The following PCSK5 variants were observed in gnomAD, a reference collection of about 807,000 sequenced individuals.
The protein encoded by PCSK5 is proprotein convertase subtilisin/kexin type 5.
PCSK5 carries 129 observed loss-of-function variants against 233.2 expected under a neutral mutation model. The observed-to-expected ratio is 0.55, with a 90% CI of 0.48 to 0.64. The LOEUF is 0.64. Among genes scored for constraint, PCSK5 ranks in the 30% least tolerant of loss-of-function variants. The probability of loss-of-function intolerance (pLI) is 0.00; values close to 1 mark genes in which losing one functional copy is unlikely to be tolerated. For missense variants in PCSK5, 2,076 were observed against 2,430.1 expected (o/e 0.85, Z 3.06); for synonymous variants, 825 against 879.2 (o/e 0.94, Z 1.09).
intron 5 of PCSK5, among the ~76,000 whole-genome samples, chr9:76,066,891 G>A (rs907509082): frequency 2.0e-5 from 3 of 152,120 alleles, no homozygotes; most frequent in African/African-American, 4.8e-5. Context: ...TGCTACTCTC[G>A]ATGTACCTTT....
intron 20 of PCSK5, among the ~76,000 whole-genome samples, chr9:76,197,578 C>T (rs1587747982): frequency 6.6e-6 from 1 of 152,192 alleles, no homozygotes; most frequent in African/African-American, 2.4e-5. Context: ...AATAGACATT[C>T]ATTCTTAACA....
intron 2 of PCSK5, among the ~76,000 whole-genome samples, chr9:75,966,244 C>A (rs1287238277): frequency 6.6e-6 from 1 of 152,206 alleles, no homozygotes; most frequent in Non-Finnish European, 1.5e-5. Flanking sequence ...GGAACAATCT[C>A]TTCAGAAGTC....
chr9:76,042,088 T>C (rs763394587), intron 5 of PCSK5, among the ~76,000 whole-genome samples: 1 of 152,206 alleles, frequency 6.6e-6, no homozygotes, highest in African/African-American at 2.4e-5. Flanking sequence ...TAATTCTAAT[T>C]TAACCTAGTT....
chr9:75,902,014 G>A (rs1184530777), intron 1 of PCSK5, among the ~76,000 whole-genome samples: 1 of 151,860 alleles, frequency 6.6e-6, no homozygotes, highest in African/African-American at 2.4e-5. Context: ...TCAGGAGTTC[G>A]AGACCAGCCT....
chr9:76,256,329 G>A (rs992809577), intron 24 of PCSK5, among the ~76,000 whole-genome samples: 2 of 152,214 alleles, frequency 1.3e-5, no homozygotes, highest in Non-Finnish European at 2.9e-5. Flanking sequence ...CTGCTAAGTC[G>A]AGCTGTGAGC....
chr9:76,353,399 G>C (rs564569156), intron 36 of PCSK5, among the ~76,000 whole-genome samples: 31 of 152,298 alleles, frequency 2.0e-4, no homozygotes, highest in African/African-American at 7.0e-4. Context: ...CAATAATCCA[G>C]TAACCACAGA....
chr9:76,094,034 C>A (rs1831407061), intron 7 of PCSK5, among the ~76,000 whole-genome samples: 1 of 152,188 alleles, frequency 6.6e-6, no homozygotes, highest in South Asian at 2.1e-4. Flanking sequence ...CCGAGCCCAG[C>A]TGTCGAGCAG....
At chr9:76,007,761 G>A (rs1351842407) in intron 3 of PCSK5, among the ~76,000 whole-genome samples, 1 of 148,984 alleles carries the variant, frequency 6.7e-6, no homozygotes, top group Admixed American at 6.7e-5. Context: ...TGAGTAGCTG[G>A]GACCACAGGC....
In PCSK5 at chr9:76,298,027, A is replaced by AT. The variant is rs575538920; in HGVS notation, c.3523+1162_3523+1163insT. On this transcript the variant is annotated intron_variant, in intron 27 of 37. Coordinates refer to ENST00000674117, the MANE Select transcript of PCSK5 (RefSeq NM_001372043.1). The stretch of plus-strand genomic sequence containing the variant: ...GCTATCTTCTGTGAGTTATAGCTGA[A>AT]GCAAAATGCTGAAAATGAGTTTGTT... 5.3e-4 allele frequency among the ~76,000 whole-genome samples: 81 copies of AT among 152,348 alleles called. 1 individual carries two copies. The South Asian group carries it at 0.017, about 31-fold the overall frequency.
chr9:76,053,354 T>G (rs1829703003), intron 5 of PCSK5, among the ~76,000 whole-genome samples: 1 of 152,172 alleles, frequency 6.6e-6, no homozygotes, highest in African/African-American at 2.4e-5. Flanking sequence ...CCTCTGAAAT[T>G]TAGGCGGAGG....
chr9:76,169,946 G>T (rs1002785033), intron 13 of PCSK5, 106 bp downstream of exon 13: 5 of 870,880 alleles, frequency 5.7e-6, no homozygotes, highest in Non-Finnish European at 9.2e-6. Context: ...TTTCTCATGT[G>T]GTTCATTTCA....
intron 9 of PCSK5, among the ~76,000 whole-genome samples, chr9:76,125,488 C>G (rs1232739777): frequency 6.6e-6 from 1 of 152,192 alleles, no homozygotes; most frequent in Middle Eastern, 3.2e-3. Context: ...TAAACTTTCC[C>G]TGCTTTGATG....
At chr9:76,123,282 T>C (rs1007505579) in intron 9 of PCSK5, among the ~76,000 whole-genome samples, 11 of 152,238 alleles carry the variant, frequency 7.2e-5, no homozygotes, top group Admixed American at 4.6e-4. Flanking sequence ...TAAAACGTTA[T>C]ATTGTTTGCA....
At chr9:76,072,505 A>G (rs1340497309) in intron 7 of PCSK5, among the ~76,000 whole-genome samples, 1 of 152,258 alleles carries the variant, frequency 6.6e-6, no homozygotes, top group Non-Finnish European at 1.5e-5. Context: ...TCTCATTTAA[A>G]TTAAATTTTA....
At chr9:75,981,826 G>A (rs200012070) in intron 2 of PCSK5, among the ~76,000 whole-genome samples, 2 of 152,278 alleles carry the variant, frequency 1.3e-5, no homozygotes, top group Admixed American at 6.5e-5. Flanking sequence ...GCCTCCCAAA[G>A]TGCTGAGATT....
chr9:76,335,976 A>C (rs1829666716), intron 34 of PCSK5, among the ~76,000 whole-genome samples: 1 of 152,160 alleles, frequency 6.6e-6, no homozygotes, highest in African/African-American at 2.4e-5. Context: ...TAAAAATTCT[A>C]TCTTCTGACT....
Position 75,891,372 on chromosome 9 carries a change from A to G in PCSK5, c.191A>G (p.Gln64Arg). Residue 64 changes from glutamine to arginine, a missense_variant and splice_region_variant, in exon 1 of 38, where the codon CAG (glutamine) becomes CGG (arginine). By Grantham distance (43) the Gln-to-Arg change is conservative. Coordinates refer to ENST00000674117, the MANE Select transcript of PCSK5 (RefSeq NM_001372043.1). ...AAGTACGGATTCATCAACATAGGACAGGTAACGAACTACAGGCTAGCCCAG... is the reference window on the plus strand; with the variant it reads ...AAGTACGGATTCATCAACATAGGACGGGTAACGAACTACAGGCTAGCCCAG... ...ASKYGFINIG[Q>R]IGALKDYYHF... 1.3e-6 allele frequency: 2 copies of G among 1,550,820 alleles called. No individual in the cohort carries two copies. Among genetic ancestry groups the G allele is most frequent in the Non-Finnish European group, 1.7e-6 (2 of 1,154,238 alleles).
chr9:76,054,682 T>C (rs995473649), intron 5 of PCSK5, among the ~76,000 whole-genome samples: 1 of 152,228 alleles, frequency 6.6e-6, no homozygotes, highest in African/African-American at 2.4e-5. Context: ...GAGAAAACAT[T>C]ATAAACTCAC....
rs1265408321 is a variant in PCSK5 at position 76,027,035 on chromosome 9, C to T, written c.630C>T (p.Asn210=). Residue 210 remains asparagine (N), a splice_region_variant and synonymous_variant, in exon 5 of 38, where the codon AAC becomes AAT. Transcript: ENST00000674117. ...CTCGTTATGATGCAAGCAACGAGAA[C>T]AAGTAAGGCCCAAGTGAGGGGTGGC... The part of the protein sequence containing the change: ...PMPRYDASNE[N]KHGTRCAGEV... The T allele has an allele frequency of 1.2e-6, 2 of 1,603,518 alleles. No homozygotes were observed. The highest frequency in any genetic ancestry group is 1.7e-6 in the Non-Finnish European group (2 of 1,173,102).
Sources: gnomAD v4.1 joint callset for allele counts (sites outside exome capture counted in the v4.1 genomes callset) on GRCh38, gnomAD v4.1.1 for gene constraint, MANE v1.5 for transcripts, NCBI Gene and HGNC (gene_info 2026-07-23, HGNC 2026-07-21) for gene names.